IKZF3: variants seen among roughly 807,000 people sequenced by gnomAD.
IKZF3 encodes the protein zinc finger protein Aiolos.
In IKZF3, 10 loss-of-function variants were observed where a neutral mutation model predicts 49.0. That is an observed-to-expected ratio of 0.20 (90% CI 0.13 to 0.35). IKZF3 has a LOEUF of 0.35. Ranked by LOEUF, IKZF3 falls within the 10% of genes least tolerant of loss-of-function variation. IKZF3 has a pLI of 1.00. For synonymous variants in IKZF3, 209 were observed against 228.2 expected, an observed-to-expected ratio of 0.92 and a Z score of 0.76; for missense variants, 498 against 664.8, an observed-to-expected ratio of 0.75 and a Z score of 2.76.
At chr17:39,850,271 TATATATA>T (rs1354657969) in intron 1 of IKZF3, among the ~76,000 whole-genome samples, 1 of 141,328 alleles carries the variant, frequency 7.1e-6, no homozygotes, top group African/African-American at 2.6e-5. Context: ...ATTATGTATG[TATATATA>T]ATATATAGTA....
chr17:39,787,938 T>A (rs2060912607), intron 6 of IKZF3, among the ~76,000 whole-genome samples: 1 of 152,240 alleles, frequency 6.6e-6, no homozygotes, highest in Non-Finnish European at 1.5e-5. Context: ...CGTACACTTC[T>A]TCAAATTTGT....
At chr17:39,809,449 C>T (rs947600207) in intron 3 of IKZF3, among the ~76,000 whole-genome samples, 1 of 152,202 alleles carries the variant, frequency 6.6e-6, no homozygotes, top group Non-Finnish European at 1.5e-5. Context: ...GCTGGATTAC[C>T]AGGGTGCTCC....
chr17:39,835,366 T>G, intron 1 of IKZF3: 1 of 493,034 alleles, frequency 2.0e-6, no homozygotes, highest in Non-Finnish European at 4.0e-6. Context: ...CCCCTGGCAT[T>G]GGCATCCTTA....
chr17:39,835,668 A>G (rs2144344340), intron 1 of IKZF3: 1 of 439,622 alleles, frequency 2.3e-6, no homozygotes, highest in Non-Finnish European at 4.4e-6. Flanking sequence ...ATGCGTGGAC[A>G]GCCCCACAGA....
chr17:39,803,300 G>A (rs1385679485), intron 3 of IKZF3, among the ~76,000 whole-genome samples: 1 of 151,946 alleles, frequency 6.6e-6, no homozygotes, highest in African/African-American at 2.4e-5. Context: ...TTTCATCTAT[G>A]TATTAAACTC....
At chr17:39,832,047 G>T in intron 2 of IKZF3, 51 bp downstream of exon 2, 2 of 1,322,830 alleles carry the variant, frequency 1.5e-6, no homozygotes, top group Non-Finnish European at 2.2e-6. Context: ...TCTCTCTTTG[G>T]TATTTTTTTT....
chr17:39,853,232 T>C (rs1376889600), intron 1 of IKZF3, among the ~76,000 whole-genome samples: 7 of 152,192 alleles, frequency 4.6e-5, no homozygotes, highest in Non-Finnish European at 8.8e-5. Flanking sequence ...TTTACCACTG[T>C]ATTGCCAGTA....
intron 3 of IKZF3, among the ~76,000 whole-genome samples, chr17:39,827,140 C>T (rs1362864552): frequency 9.9e-5 from 15 of 151,900 alleles, no homozygotes; most frequent in South Asian, 8.3e-4. Flanking sequence ...TGGGATTACA[C>T]GTGAGTACCG....
At chr17:39,845,863 G>A (rs533220354) in intron 1 of IKZF3, among the ~76,000 whole-genome samples, 5 of 152,268 alleles carry the variant, frequency 3.3e-5, no homozygotes, top group African/African-American at 1.2e-4. Context: ...GTCACTGATT[G>A]AAAAATTAAT....
intron 3 of IKZF3, among the ~76,000 whole-genome samples, chr17:39,812,647 G>A (rs1251580835): frequency 1.3e-5 from 2 of 152,176 alleles, no homozygotes; most frequent in Non-Finnish European, 2.9e-5. Flanking sequence ...GTACACAATG[G>A]CTCGGGTCAC....
At position 39,864,049 on chromosome 17, in the gene IKZF3, A is replaced by G. The variant is rs530840207; in HGVS notation, c.7+71T>C. On this transcript the variant is annotated intron_variant, in intron 1 of 7. Coordinates refer to ENST00000346872, the MANE Select transcript of IKZF3 (RefSeq NM_012481.5). ...GAAGCAAAACTGAGATTCAGAAGAA[A>G]CTCTTTCTACTGCTTGCACAGGTTA... is the stretch of plus-strand genomic sequence containing the variant. 8.8e-6 allele frequency: 14 copies of G among 1,589,740 alleles called. No homozygotes were observed. In the South Asian group the frequency reaches 1.5e-4, roughly 18 times the overall value.
At chr17:39,795,375 A>G (rs1040730159) in intron 3 of IKZF3, among the ~76,000 whole-genome samples, 37 of 152,148 alleles carry the variant, frequency 2.4e-4, no homozygotes, top group Non-Finnish European at 5.9e-5. Flanking sequence ...ACCTCTCTGC[A>G]TGGTTACTGG....
At chr17:39,768,931 GA>G (rs2060365875) in intron 7 of IKZF3, among the ~76,000 whole-genome samples, 1 of 152,170 alleles carries the variant, frequency 6.6e-6, no homozygotes, top group Non-Finnish European at 1.5e-5. Flanking sequence ...TGGAGACTAA[GA>G]TCCCTTCCCC....
At chr17:39,773,613 A>T (rs932199489) in intron 7 of IKZF3, among the ~76,000 whole-genome samples, 79 of 152,310 alleles carry the variant, frequency 5.2e-4, no homozygotes, top group African/African-American at 1.7e-3. Flanking sequence ...TAATACATAA[A>T]ACTTTTAAAA....
chr17:39,837,707 T>C (rs904486874), intron 1 of IKZF3, among the ~76,000 whole-genome samples: 4 of 152,020 alleles, frequency 2.6e-5, no homozygotes, highest in Non-Finnish European at 2.9e-5. Flanking sequence ...GGTGCAATCT[T>C]GGCTCACTGC....
At position 39,801,349 on chromosome 17, in the gene IKZF3, G is replaced by C. The variant is rs183593280; in HGVS notation, c.164-8416C>G. Reference sequence around the variant, plus strand: ...CTACAGATGTTCAGCCAGGCTAAAAGAAAGGGGGTGGGGGGGGGCTTTTCT... The same window carrying C: ...CTACAGATGTTCAGCCAGGCTAAAACAAAGGGGGTGGGGGGGGGCTTTTCT... On this transcript the variant is annotated intron_variant, in intron 3 of 7. Coordinates refer to ENST00000346872, the MANE Select transcript of IKZF3 (RefSeq NM_012481.5). Among the ~76,000 whole-genome samples, 497 of 135,848 alleles carry C rather than the reference G, an allele frequency of 3.7e-3. 3 individuals carry two copies. Among genetic ancestry groups the C allele is most frequent in the African/African-American group, 0.013 (482 of 37,432 alleles). The allele number at this position is 135,848 out of a possible 152,430, so 89.1% of individuals were successfully genotyped here.
At chr17:39,801,709 C>A (rs930577784) in intron 3 of IKZF3, among the ~76,000 whole-genome samples, 1 of 151,950 alleles carries the variant, frequency 6.6e-6, no homozygotes, top group African/African-American at 2.4e-5. Context: ...AGAGAGAAAC[C>A]GATGATATTT....
In IKZF3 at chr17:39,765,655, C is replaced by A; in HGVS notation, c.*135G>T. The A allele has an allele frequency of 1.6e-6, 1 of 615,034 alleles. No individual in the cohort carries two copies. Among genetic ancestry groups the A allele is most frequent in the Non-Finnish European group, 2.8e-6 (1 of 357,558 alleles). 38.1% of individuals were successfully genotyped at this position (615,034 alleles called of 1,614,324 possible). On this transcript the variant is annotated 3_prime_UTR_variant, in exon 8 of 8. Coordinates refer to ENST00000346872, the MANE Select transcript of IKZF3 (RefSeq NM_012481.5). Reference sequence around the variant, plus strand: ...AGGAAGACAGTGTTTCCCTGGCTACCCCTGTGAACACAGCTAAAAATGGTA... The same window carrying A: ...AGGAAGACAGTGTTTCCCTGGCTACACCTGTGAACACAGCTAAAAATGGTA...
chr17:39,836,606 A>G (rs1462935506), intron 1 of IKZF3, among the ~76,000 whole-genome samples: 1 of 152,194 alleles, frequency 6.6e-6, no homozygotes, highest in Admixed American at 6.5e-5. Context: ...TTAGTTGCTG[A>G]AAAAGGAGTA....
Sources: allele counts gnomAD v4.1 joint callset (sites outside exome capture counted in the v4.1 genomes callset), GRCh38; gene constraint gnomAD v4.1.1; transcripts MANE v1.5; gene names NCBI Gene and HGNC (gene_info 2026-07-23, HGNC 2026-07-21).